CYP4V2: variants seen among roughly 807,000 people sequenced by gnomAD.
CYP4V2 encodes cytochrome P450 family 4 subfamily V member 2.
CYP4V2 carries 55 observed loss-of-function variants against 60.8 expected under a neutral mutation model. The observed-to-expected ratio is 0.90, with a 90% CI of 0.73 to 1.13. The LOEUF (loss-of-function observed/expected upper bound fraction) is 1.13, where lower values mean the gene tolerates loss of function less well. CYP4V2 is among the 50% of genes most tolerant of loss of function. The pLI, the probability that CYP4V2 is intolerant of heterozygous loss-of-function variation, is 0.00. For missense variants in CYP4V2, 675 were observed against 662.9 expected, an observed-to-expected ratio of 1.02 and a Z score of -0.20; for synonymous variants, 239 against 236.8, an observed-to-expected ratio of 1.01 and a Z score of -0.08.
At chr4:186,200,488 G>GT (rs1736275151) in intron 6 of CYP4V2, among the ~76,000 whole-genome samples, 1 of 152,184 alleles carries the variant, frequency 6.6e-6, no homozygotes, top group South Asian at 2.1e-4. Flanking sequence ...TAAGTATAAC[G>GT]TAAGTATAAT....
In CYP4V2 at chr4:186,196,007, T is replaced by TC; in HGVS notation, c.332_333insC (p.Leu112PhefsTer3). On this transcript the variant is annotated frameshift_variant, in exon 3 of 11. Transcript: ENST00000378802. LOFTEE classifies it high-confidence loss of function. ...GTATGTTTTTCTCTTCCTAAGGTAA[T>TC]TTTAACTAGTTCAAAGCAAATTGAC... 1 of 1,611,658 alleles carries TC rather than the reference T, an allele frequency of 6.2e-7. No homozygotes were observed. Among genetic ancestry groups the TC allele is most frequent in the South Asian group, 1.1e-5 (1 of 90,998 alleles).
At chr4:186,194,012 G>A (rs1016874551) in intron 1 of CYP4V2, among the ~76,000 whole-genome samples, 2 of 152,184 alleles carry the variant, frequency 1.3e-5, no homozygotes, top group African/African-American at 4.8e-5. Flanking sequence ...GACCAGACCA[G>A]GGCAGGCAGT....
chr4:186,197,312 G>A, intron 4 of CYP4V2, 182 bp downstream of exon 4: 1 of 885,892 alleles, frequency 1.1e-6, no homozygotes, highest in Non-Finnish European at 1.8e-6. Flanking sequence ...TGTGAGTGGG[G>A]CAGGCATGGA....
chr4:186,191,714 C>T lies in CYP4V2; in HGVS notation c.-110C>T, dbSNP rs1735984755. On this transcript the variant is annotated 5_prime_UTR_variant, in exon 1 of 11. Transcript: ENST00000378802. ...CCGGGCGACCCCGCAGCGGGGAGCG[C>T]GCCAGGTCCGCGCGGGGAAGTGGGC... The T allele has an allele frequency of 2.8e-6, 3 of 1,083,224 alleles. No individual in the cohort carries two copies. Among genetic ancestry groups the T allele is most frequent in the South Asian group, 6.5e-5 (2 of 30,542 alleles). 67.1% of individuals were successfully genotyped at this position (1,083,224 alleles called of 1,614,324 possible). A position where few individuals can be genotyped will look rare whatever the true frequency, so the allele number is the denominator to read the frequency against.
chr4:186,194,563 G>C lies in CYP4V2; in HGVS notation c.278G>C (p.Trp93Ser), dbSNP rs1355652513. Reference protein sequence around the residue: ...EYRHMPLLKLWVGPVPMVALY... With the variant: ...EYRHMPLLKLSVGPVPMVALY... ...CGCCACATGCCGCTGCTGAAGCTCT[G>C]GGTCGGGCCAGTGCCCATGGTGGCC... Residue 93 changes from tryptophan to serine, a missense_variant, in exon 2 of 11, where the codon TGG becomes TCG. Trp to Ser is a radical substitution (Grantham distance 177). Transcript: ENST00000378802. 4 of 1,614,180 alleles carry C rather than the reference G, an allele frequency of 2.5e-6. No homozygotes were observed. Among genetic ancestry groups the C allele is most frequent in the Non-Finnish European group, 3.4e-6 (4 of 1,180,026 alleles).
chr4:186,193,553 T>C (rs183904434), intron 1 of CYP4V2, among the ~76,000 whole-genome samples: 13 of 152,344 alleles, frequency 8.5e-5, no homozygotes, highest in Admixed American at 7.2e-4. Flanking sequence ...TAGAGGGTTT[T>C]CTTTCTCCTT....
At chr4:186,209,571 G>C (rs568065977) in intron 10 of CYP4V2, among the ~76,000 whole-genome samples, 1 of 152,290 alleles carries the variant, frequency 6.6e-6, no homozygotes, top group South Asian at 2.1e-4. Flanking sequence ...ACAAGGTGTT[G>C]GCAGGGCTGG....
At chr4:186,206,851 C>A (rs1473144428) in intron 8 of CYP4V2, among the ~76,000 whole-genome samples, 1 of 152,158 alleles carries the variant, frequency 6.6e-6, no homozygotes, top group Non-Finnish European at 1.5e-5. Flanking sequence ...ATCATTTTAT[C>A]TTTTTAACAC....
Position 186,201,202 on chromosome 4 carries a change from A to G in CYP4V2, c.847A>G (p.Arg283Gly), listed in dbSNP as rs780564249. Reference protein sequence around the residue: ...ANEMNANEDCRGDGRGSAPSK... With the variant: ...ANEMNANEDCGGDGRGSAPSK... The stretch of plus-strand genomic sequence containing the variant: ...TGAAATGAACGCCAATGAAGACTGT[A>G]GAGGTGATGGCAGGGGCTCTGCCCC... Residue 283 changes from arginine to glycine, a missense_variant, in exon 7 of 11, where the codon AGA becomes GGA. Physicochemically the swap from Arg to Gly is moderately radical, Grantham distance 125 (BLOSUM62 -2). Transcript: ENST00000378802. 6.2e-7 allele frequency: 1 copy of G among 1,614,224 alleles called. No individual in the cohort carries two copies. The highest frequency in any genetic ancestry group is 8.5e-7 in the Non-Finnish European group (1 of 1,180,036).
At chr4:186,199,599 A>G (rs2292426) in intron 6 of CYP4V2, among the ~76,000 whole-genome samples, 100,767 of 152,090 alleles carry the variant, frequency 0.66, 33,937 homozygotes, top group African/African-American at 0.75. Context: ...ACAAAGATCT[A>G]TGTATAGGAG....
intron 3 of CYP4V2, 168 bp downstream of exon 3, chr4:186,196,256 C>T (rs537944965): frequency 1.6e-5 from 11 of 679,804 alleles, no homozygotes; most frequent in Admixed American, 1.1e-4. Context: ...GGCCTTTGCC[C>T]GTCAAGAGGC....
Position 186,191,925 on chromosome 4 carries a change from G to T in CYP4V2, c.102G>T (p.Leu34=), listed in dbSNP as rs770573757. 4 of 1,593,368 alleles carry T rather than the reference G, an allele frequency of 2.5e-6. No homozygotes were observed. The South Asian group carries it at 4.5e-5, about 18-fold the overall frequency. ...GCGCCAGTCTGGTCCTGAGCCTGCT[G>T]CAGAGGGTGGCGAGCTACGCGCGGA... ...LAGASLVLSL[L]QRVASYARKW... is the part of the protein sequence containing the mutation. Residue 34 remains leucine, a synonymous_variant, in exon 1 of 11, where the codon CTG becomes CTT. Transcript: ENST00000378802.
chr4:186,194,586 G>GC lies in CYP4V2; in HGVS notation c.304dup (p.Leu102ProfsTer3). 6.2e-7 allele frequency: 1 copy of GC among 1,614,102 alleles called. No individual in the cohort carries two copies. Among genetic ancestry groups the GC allele is most frequent in the Non-Finnish European group, 8.5e-7 (1 of 1,179,980 alleles). ...CTGGGTCGGGCCAGTGCCCATGGTG[G>GC]CCCTTTATAATGCAGAAAATGTGGA... On this transcript the variant is annotated frameshift_variant, in exon 2 of 11. Transcript: ENST00000378802. LOFTEE classifies it high-confidence loss of function.
chr4:186,198,823 T>C lies in CYP4V2; in HGVS notation c.675-134T>C, dbSNP rs890337525. Reference sequence around the variant, plus strand: ...TGCCTTCACTGCTAAGCATAAAACATGGAGCTCTTAGTAGCCTCTAAGACA... The same window carrying C: ...TGCCTTCACTGCTAAGCATAAAACACGGAGCTCTTAGTAGCCTCTAAGACA... On this transcript the variant is annotated intron_variant, in intron 5 of 10. Coordinates refer to ENST00000378802, the MANE Select transcript of CYP4V2 (RefSeq NM_207352.4). The C allele has an allele frequency of 4.4e-6, 6 of 1,352,546 alleles. No individual in the cohort carries two copies. The African/African-American group carries it at 7.2e-5, about 16-fold the overall frequency. The allele number at this position is 1,352,546 out of a possible 1,614,324, so 83.8% of individuals were successfully genotyped here.
At chr4:186,210,279 G>A (rs888724090) in intron 10 of CYP4V2, among the ~76,000 whole-genome samples, 190 bp from the exon 11 acceptor site, 12 of 152,184 alleles carry the variant, frequency 7.9e-5, no homozygotes, top group Admixed American at 7.9e-4. Flanking sequence ...CCCAGCTATA[G>A]ATGTGCAAGG....
intron 10 of CYP4V2, among the ~76,000 whole-genome samples, chr4:186,210,197 G>C (rs1163408625): frequency 2.0e-5 from 3 of 152,236 alleles, no homozygotes; most frequent in African/African-American, 7.2e-5. Context: ...CATAATCTAG[G>C]GTAGTGAGTC....
intron 3 of CYP4V2, 34 bp from the exon 4 acceptor site, chr4:186,196,906 A>G: frequency 6.3e-7 from 1 of 1,595,510 alleles, no homozygotes; most frequent in Non-Finnish European, 8.6e-7. Flanking sequence ...CTCTCTGTAG[A>G]TATATTTTTT....
At chr4:186,207,591 TAC>T (rs1736562551) in intron 8 of CYP4V2, among the ~76,000 whole-genome samples, 1 of 148,674 alleles carries the variant, frequency 6.7e-6, no homozygotes, top group African/African-American at 2.4e-5. Flanking sequence ...TAATAATTAA[TAC>T]TTTGCAAGTA....
At position 186,192,034 on chromosome 4, in the gene CYP4V2, C is replaced by A. The variant is rs1404356099; in HGVS notation, c.211C>A (p.Arg71=). 6.4e-7 allele frequency: 1 copy of A among 1,574,110 alleles called. No individual in the cohort carries two copies. The highest frequency in any genetic ancestry group is 1.3e-5 in the African/African-American group (1 of 74,430). ...GHALLMKPDG[R]EFFQQIIEYT... The stretch of plus-strand genomic sequence containing the variant: ...CGCGCTGCTGATGAAGCCGGACGGG[C>A]GAGGTAAGGGCCGGCGCTCCTCCTG... Residue 71 remains arginine, a synonymous_variant, in exon 1 of 11, where the codon CGA becomes AGA. Transcript: ENST00000378802.
Sources: gnomAD v4.1 joint callset for allele counts (sites outside exome capture counted in the v4.1 genomes callset) on GRCh38, gnomAD v4.1.1 for gene constraint, MANE v1.5 for transcripts, NCBI Gene and HGNC (gene_info 2026-07-23, HGNC 2026-07-21) for gene names.